Variants in AVL9 observed in about 807,000 individuals in gnomAD.
AVL9 encodes late secretory pathway protein AVL9 homolog.
AVL9 carries 49 observed loss-of-function variants against 79.2 expected under a neutral mutation model. That is an observed-to-expected ratio of 0.62 (90% CI 0.49 to 0.79). The LOEUF (loss-of-function observed/expected upper bound fraction) is 0.79, where lower values mean the gene tolerates loss of function less well. Ranked by LOEUF, AVL9 falls within the 30% of genes least tolerant of loss-of-function variation. The pLI is 0.00. For missense variants in AVL9, 682 were observed against 776.8 expected (o/e 0.88, Z 1.45); for synonymous variants, 299 against 280.6 (o/e 1.07, Z -0.65).
intron 1 of AVL9, among the ~76,000 whole-genome samples, chr7:32,508,788 T>C (rs1432982898): frequency 6.6e-6 from 1 of 152,232 alleles, no homozygotes; most frequent in Non-Finnish European, 1.5e-5. Flanking sequence ...AGTGTCCACA[T>C]ATGTGTGTCT....
intron 1 of AVL9, among the ~76,000 whole-genome samples, chr7:32,518,325 A>G (rs1409282174): frequency 6.6e-6 from 1 of 152,240 alleles, no homozygotes; most frequent in African/African-American, 2.4e-5. Flanking sequence ...TTTCATAAAT[A>G]GGTAAACGAT....
chr7:32,554,579 ATTC>A lies in AVL9; in HGVS notation c.598_600del (p.Leu200del). 3 of 1,554,336 alleles carry A rather than the reference ATTC, an allele frequency of 1.9e-6. No homozygotes were observed. Among genetic ancestry groups the A allele is most frequent in the South Asian group, 1.2e-5 (1 of 82,462 alleles). On this transcript the variant is annotated inframe_deletion, in exon 8 of 16. Transcript: ENST00000318709. ...GCAGGTCTTAATCCTATTTAAGCTA[ATTC>A]TTCTTGAAAAAAAGGTACGATCCTA...
At chr7:32,546,818 C>T (rs1227251429) in intron 3 of AVL9, among the ~76,000 whole-genome samples, 4 of 151,498 alleles carry the variant, frequency 2.6e-5, no homozygotes, top group African/African-American at 9.7e-5. Context: ...GCGAGACTCC[C>T]TCAAAAAAAT....
In AVL9 at chr7:32,553,677, CA is replaced by C. The variant is rs773272493; in HGVS notation, c.530-45del. ...TAAGGGGGAAATAACCTTTCTGCAG[CA>C]AAAACATTACATTGTAGTCACACTT... On this transcript the variant is annotated intron_variant, in intron 6 of 15. Coordinates refer to ENST00000318709, the MANE Select transcript of AVL9 (RefSeq NM_015060.3). The C allele has an allele frequency of 7.5e-5, 108 of 1,438,180 alleles. 1 individual carries two copies. The highest frequency in any genetic ancestry group is 5.3e-4 in the Middle Eastern group (3 of 5,630). 89.1% of individuals were successfully genotyped at this position (1,438,180 alleles called of 1,614,324 possible).
chr7:32,555,009 T>C (rs575392291), intron 8 of AVL9, among the ~76,000 whole-genome samples: 1 of 152,264 alleles, frequency 6.6e-6, no homozygotes, highest in Admixed American at 6.5e-5. Flanking sequence ...CAGTCATAAC[T>C]GCTGGCAGAA....
chr7:32,560,604 A>G (rs1019355203), intron 10 of AVL9, among the ~76,000 whole-genome samples: 9 of 152,174 alleles, frequency 5.9e-5, no homozygotes, highest in Non-Finnish European at 1.0e-4. Flanking sequence ...AAAGTTATTC[A>G]TGACAGGGGT....
At position 32,552,212 on chromosome 7, in the gene AVL9, C is replaced by T. The variant is rs1789864305; in HGVS notation, c.463-17C>T. ...AAATGATAGTAAAATGTGCTAAATTCAATCTATATTTTATAGGAGCTTTAT... is the reference window on the plus strand; with the variant it reads ...AAATGATAGTAAAATGTGCTAAATTTAATCTATATTTTATAGGAGCTTTAT... On this transcript the variant is annotated splice_polypyrimidine_tract_variant and intron_variant, in intron 5 of 15. Transcript: ENST00000318709. The T allele has an allele frequency of 1.3e-6, 2 of 1,491,738 alleles. No individual in the cohort carries two copies. The highest frequency in any genetic ancestry group is 3.5e-5 in the Admixed American group (2 of 57,840). The allele number at this position is 1,491,738 out of a possible 1,614,324, so 92.4% of individuals were successfully genotyped here. A position where few individuals can be genotyped will look rare whatever the true frequency, so the allele number is the denominator to read the frequency against.
chr7:32,577,268 G>A (rs1327649014), intron 13 of AVL9, among the ~76,000 whole-genome samples: 3 of 152,156 alleles, frequency 2.0e-5, no homozygotes, highest in Non-Finnish European at 2.9e-5. Flanking sequence ...CCACGGTTTC[G>A]AGGCCAGCCT....
chr7:32,556,519 A>AAATAAATGAATGAATGAATGAATG lies in AVL9; in HGVS notation c.609+1926_609+1927insAAATGAATGAATGAATGAATGAAT, dbSNP rs111960786. 1.5e-4 allele frequency among the ~76,000 whole-genome samples: 23 copies of AAATAAATGAATGAATGAATGAATG among 149,578 alleles called. No homozygotes were observed. The East Asian group carries it at 2.4e-3, about 15-fold the overall frequency. Reference sequence around the variant, plus strand: ...ACAGAGCGAGACTCCATCTCAAAGTAAATGAATGAATGAATGAATGAATGA... The same window carrying AAATAAATGAATGAATGAATGAATG: ...ACAGAGCGAGACTCCATCTCAAAGTAAATAAATGAATGAATGAATGAATGAATGAATGAATGAATGAATGAATGA... On this transcript the variant is annotated intron_variant, in intron 8 of 15. Transcript: ENST00000318709.
intron 12 of AVL9, among the ~76,000 whole-genome samples, chr7:32,575,509 C>A (rs910950142): frequency 7.8e-6 from 1 of 128,812 alleles, no homozygotes; most frequent in African/African-American, 2.9e-5. Flanking sequence ...TGTATTCATT[C>A]TTAATCTTTT....
intron 8 of AVL9, among the ~76,000 whole-genome samples, chr7:32,556,201 C>G (rs114330320): frequency 0.023 from 3,523 of 152,074 alleles, 150 homozygotes; most frequent in African/African-American, 0.079. Flanking sequence ...TTTCTGTATC[C>G]TATTTTTCTA....
At chr7:32,503,407 A>ACACACACAG in intron 1 of AVL9, among the ~76,000 whole-genome samples, 1 of 60,362 alleles carries the variant, frequency 1.7e-5, no homozygotes, top group African/African-American at 4.3e-5. Flanking sequence ...CACACACACA[A>ACACACACAG]ATTAGCCGGG....
chr7:32,559,619 G>A (rs535487417), intron 10 of AVL9, among the ~76,000 whole-genome samples, 155 bp downstream of exon 10: 2 of 152,210 alleles, frequency 1.3e-5, no homozygotes, highest in South Asian at 2.1e-4. Context: ...TGTGGCATCC[G>A]TGACCATAGT....
At chr7:32,545,364 C>CTATTTTTT (rs1789435585) in intron 3 of AVL9, among the ~76,000 whole-genome samples, 1 of 73,352 alleles carries the variant, frequency 1.4e-5, no homozygotes, top group Non-Finnish European at 2.4e-5. Context: ...TCTAAGATTT[C>CTATTTTTT]TTTTTTTTTT....
At chr7:32,547,580 C>T (rs955843576) in intron 3 of AVL9, among the ~76,000 whole-genome samples, 1 of 152,170 alleles carries the variant, frequency 6.6e-6, no homozygotes, top group African/African-American at 2.4e-5. Flanking sequence ...TTAAATACTG[C>T]CTGTCTCCCC....
At chr7:32,534,614 A>C (rs1161769679) in intron 1 of AVL9, 2 of 152,184 alleles carry the variant, frequency 1.3e-5, no homozygotes, top group Non-Finnish European at 2.9e-5. Flanking sequence ...CAGGGTAAAC[A>C]AAAGTGAGGT....
chr7:32,542,428 C>T lies in AVL9; in HGVS notation c.94-713C>T, dbSNP rs535200034. Among the ~76,000 whole-genome samples, 845 of 150,794 alleles carry T rather than the reference C, an allele frequency of 5.6e-3. 10 individuals carry two copies. The highest frequency in any genetic ancestry group is 0.019 in the African/African-American group (785 of 41,016). ...AAAATTAGCCGAGCGTGGTGGCACA[C>T]GCCTGTAATCCCAGCTACTCAGGAC... On this transcript the variant is annotated intron_variant, in intron 1 of 15. Coordinates refer to ENST00000318709, the MANE Select transcript of AVL9 (RefSeq NM_015060.3).
Position 32,579,362 on chromosome 7 carries a change from C to CATATATATGTTATATA in AVL9, c.1689-850_1689-849insTGTTATATAATATATA, listed in dbSNP as rs530793952. 6.7e-4 allele frequency among the ~76,000 whole-genome samples: 39 copies of CATATATATGTTATATA among 58,336 alleles called. 1 individual carries two copies. The highest frequency in any genetic ancestry group is 2.9e-3 in the African/African-American group (39 of 13,290). 38.3% of individuals were successfully genotyped at this position (58,336 alleles called of 152,430 possible). Reference sequence around the variant, plus strand: ...AACACATATTTTATATAATATATAACATATATAATATATGTTATATAACAT... The same window carrying CATATATATGTTATATA: ...AACACATATTTTATATAATATATAACATATATATGTTATATAATATATAATATATGTTATATAACAT... On this transcript the variant is annotated intron_variant, in intron 13 of 15. Transcript: ENST00000318709.
chr7:32,573,349 G>A lies in AVL9; in HGVS notation c.1501G>A (p.Gly501Ser). ...CCTAGATGGCACGGGCTGGGAGGGA[G>A]GTGACGAATGGATCCGGGCCCAGTT... ...VFLDGTGWEG[G>S]DEWIRAQFAV... The change falls in exon 12 of 16, where the codon GGT (glycine) becomes AGT (serine). Residue 501 changes from glycine to serine, a missense_variant. Gly to Ser is a moderately conservative substitution (Grantham distance 56, BLOSUM62 0). Coordinates refer to ENST00000318709, the MANE Select transcript of AVL9 (RefSeq NM_015060.3). 1.9e-6 allele frequency: 3 copies of A among 1,613,878 alleles called. No individual in the cohort carries two copies. Among genetic ancestry groups the A allele is most frequent in the Non-Finnish European group, 2.5e-6 (3 of 1,179,998 alleles).
Sources: allele counts gnomAD v4.1 joint callset (sites outside exome capture counted in the v4.1 genomes callset), GRCh38; gene constraint gnomAD v4.1.1; transcripts MANE v1.5; gene names NCBI Gene and HGNC (gene_info 2026-07-23, HGNC 2026-07-21).